RASGRF2: variants seen among roughly 807,000 people sequenced by gnomAD.
The protein encoded by RASGRF2 is ras-specific guanine nucleotide-releasing factor 2.
RASGRF2 carries 76 observed loss-of-function variants against 151.0 expected under a neutral mutation model. That is an observed-to-expected ratio of 0.50 (90% CI 0.42 to 0.61). The LOEUF (loss-of-function observed/expected upper bound fraction) is 0.61, where lower values mean the gene tolerates loss of function less well. RASGRF2 is among the 20% of genes least tolerant of loss of function. The pLI, the probability that RASGRF2 is intolerant of heterozygous loss-of-function variation, is 0.00. For synonymous variants in RASGRF2, 504 were observed against 566.5 expected, an observed-to-expected ratio of 0.89 and a Z score of 1.57; for missense variants, 1,148 against 1,564.6, an observed-to-expected ratio of 0.73 and a Z score of 4.49.
At chr5:81,061,604 C>A (rs1751435468) in intron 2 of RASGRF2, among the ~76,000 whole-genome samples, 1 of 151,402 alleles carries the variant, frequency 6.6e-6, no homozygotes. Flanking sequence ...AAATCCTGGG[C>A]TCAAGTGATC....
Position 81,109,650 on chromosome 5 carries a change from T to G in RASGRF2, c.1838+572T>G, listed in dbSNP as rs530480501. 6.6e-5 allele frequency among the ~76,000 whole-genome samples: 10 copies of G among 152,078 alleles called. No individual in the cohort carries two copies. The East Asian group carries it at 1.9e-3, about 29-fold the overall frequency. The stretch of plus-strand genomic sequence containing the variant: ...CATTGCACTTCAGCCTGGACAACAG[T>G]GCAAGACTCCATTTAAAAAAAAAAT... On this transcript the variant is annotated intron_variant, in intron 13 of 26. Coordinates refer to ENST00000265080, the MANE Select transcript of RASGRF2 (RefSeq NM_006909.3).
intron 1 of RASGRF2, among the ~76,000 whole-genome samples, chr5:80,967,452 TA>T (rs905776688): frequency 9.2e-5 from 14 of 151,766 alleles, no homozygotes; most frequent in South Asian, 4.2e-4. Context: ...AGTGCTTAAT[TA>T]AAAAAAAATT....
intron 2 of RASGRF2, among the ~76,000 whole-genome samples, chr5:81,059,385 A>G (rs1436921907): frequency 2.1e-5 from 3 of 141,988 alleles, no homozygotes; most frequent in East Asian, 2.0e-4. Context: ...CTCCGCCTCA[A>G]AAAAAAAAAA....
chr5:81,172,360 C>T (rs889092356), intron 17 of RASGRF2, among the ~76,000 whole-genome samples: 1 of 151,864 alleles, frequency 6.6e-6, no homozygotes, highest in Non-Finnish European at 1.5e-5. Flanking sequence ...ATTGATTTTA[C>T]CATTCTTCAT....
At chr5:81,092,584 A>C (rs1243034750) in intron 9 of RASGRF2, among the ~76,000 whole-genome samples, 2 of 152,220 alleles carry the variant, frequency 1.3e-5, no homozygotes, top group African/African-American at 2.4e-5. Context: ...TCAAGTCTAA[A>C]GTGTTTCACA....
chr5:80,960,728 G>C lies in RASGRF2; in HGVS notation c.-11G>C. ...ACCGGCGGCCACCCGTGAGCCCTCC[G>C]CACCCGCACCATGCAGAAGAGCGTG... On this transcript the variant is annotated 5_prime_UTR_variant, in exon 1 of 27. Coordinates refer to ENST00000265080, the MANE Select transcript of RASGRF2 (RefSeq NM_006909.3). This position sits in a 1 kb window ranked among gnomAD's most constrained non-coding sequence, Gnocchi z 5.5. 6.5e-7 allele frequency: 1 copy of C among 1,537,238 alleles called. No individual in the cohort carries two copies. The highest frequency in any genetic ancestry group is 8.8e-7 in the Non-Finnish European group (1 of 1,134,478).
intron 2 of RASGRF2, among the ~76,000 whole-genome samples, chr5:81,055,368 G>A (rs996558041): frequency 6.6e-6 from 1 of 152,108 alleles, no homozygotes; most frequent in Non-Finnish European, 1.5e-5. Flanking sequence ...GGCCTCTTCT[G>A]GATCTATTGA....
At chr5:80,975,845 G>A (rs1295215957) in intron 1 of RASGRF2, among the ~76,000 whole-genome samples, 2 of 148,538 alleles carry the variant, frequency 1.3e-5, no homozygotes, top group East Asian at 3.9e-4. Context: ...TTAATTTAAA[G>A]CAATCATCTT....
chr5:81,044,155 T>C (rs1344272144), intron 2 of RASGRF2, among the ~76,000 whole-genome samples: 1 of 152,132 alleles, frequency 6.6e-6, no homozygotes, highest in African/African-American at 2.4e-5. Context: ...CAGTGGCTCA[T>C]GCCTGTAATC....
intron 12 of RASGRF2, among the ~76,000 whole-genome samples, chr5:81,105,408 G>A (rs540937096): frequency 6.6e-6 from 1 of 152,158 alleles, no homozygotes; most frequent in African/African-American, 2.4e-5. Flanking sequence ...TCCAGCGCCC[G>A]TCCCCACCTT....
At chr5:80,988,207 C>CA (rs1748538634) in intron 1 of RASGRF2, among the ~76,000 whole-genome samples, 1 of 152,010 alleles carries the variant, frequency 6.6e-6, no homozygotes, top group Non-Finnish European at 1.5e-5. Flanking sequence ...CATGCCACCA[C>CA]AGCCGGCTGA....
In RASGRF2 at chr5:80,982,427, C is replaced by T. The variant is rs1392582484; in HGVS notation, c.288+21401C>T. On this transcript the variant is annotated intron_variant, in intron 1 of 26. Transcript: ENST00000265080. ...TCTGAAATCACCCTTGATGAAAGAG[C>T]CATGTTTAACCTGTAGGAAGAAGGA... 4.5e-5 allele frequency among the ~76,000 whole-genome samples: 5 copies of T among 112,226 alleles called. No individual in the cohort carries two copies. The East Asian group carries it at 8.8e-4, about 20-fold the overall frequency. The allele number at this position is 112,226 out of a possible 152,430, so 73.6% of individuals were successfully genotyped here. A position where few individuals can be genotyped will look rare whatever the true frequency, so the allele number is the denominator to read the frequency against.
Position 80,987,026 on chromosome 5 carries a change from G to C in RASGRF2, c.288+26000G>C, listed in dbSNP as rs556859720. On this transcript the variant is annotated intron_variant, in intron 1 of 26. Coordinates refer to ENST00000265080, the MANE Select transcript of RASGRF2 (RefSeq NM_006909.3). ...TGCTTAACAGGCTGTGTGCATTGCT[G>C]TTTTCTTTGCTTGAAATGCTCTCCA... Among the ~76,000 whole-genome samples the C allele has an allele frequency of 9.2e-5, 14 of 152,240 alleles. No individual in the cohort carries two copies. In the South Asian group the frequency reaches 2.3e-3, roughly 25 times the overall value.
In RASGRF2 at chr5:81,073,356, T is replaced by A. The variant is rs926583461; in HGVS notation, c.791T>A (p.Ile264Asn). Residue 264 changes from isoleucine to asparagine, a missense_variant, in exon 5 of 27, where the codon ATC becomes AAC. By Grantham distance (149) the Ile-to-Asn change is moderately radical. This residue lies in a region of RASGRF2 where 176 missense variants were observed against 309.6 expected (regional missense o/e 0.57). Transcript: ENST00000265080. ...AESEYVHQLY[I>N]LVNGFLRPLR... ...TCAGAGTACGTTCACCAGCTCTACA[T>A]CCTGGTCAATGGCTTTCTCCGGCCC... 6.8e-6 allele frequency: 11 copies of A among 1,614,130 alleles called. No individual in the cohort carries two copies. The highest frequency in any genetic ancestry group is 9.3e-6 in the Non-Finnish European group (11 of 1,180,002).
In RASGRF2 at chr5:81,109,092, T is replaced by C; in HGVS notation, c.1838+14T>C. On this transcript the variant is annotated intron_variant, in intron 13 of 26. Coordinates refer to ENST00000265080, the MANE Select transcript of RASGRF2 (RefSeq NM_006909.3). The stretch of plus-strand genomic sequence containing the variant: ...ACATATGATTAAGTAAGTGTGAGAA[T>C]CCTTTCCTTTACATTTTAATCAAGA... 6.2e-7 allele frequency: 1 copy of C among 1,601,174 alleles called. No homozygotes were observed. Among genetic ancestry groups the C allele is most frequent in the Admixed American group, 1.7e-5 (1 of 59,370 alleles).
At chr5:81,025,759 G>A (rs1749998526) in intron 1 of RASGRF2, among the ~76,000 whole-genome samples, 1 of 152,106 alleles carries the variant, frequency 6.6e-6, no homozygotes, top group Admixed American at 6.5e-5. Flanking sequence ...GATTCTTAGA[G>A]ACAAAATATG....
At chr5:81,005,373 C>T (rs573529721) in intron 1 of RASGRF2, among the ~76,000 whole-genome samples, 4 of 152,134 alleles carry the variant, frequency 2.6e-5, no homozygotes, top group South Asian at 2.1e-4. Flanking sequence ...CGTCGGATCT[C>T]GTGAGAACGC....
At chr5:81,175,625 G>A (rs1340090857) in intron 17 of RASGRF2, among the ~76,000 whole-genome samples, 8 of 151,876 alleles carry the variant, frequency 5.3e-5, no homozygotes, top group East Asian at 1.9e-4. Context: ...GCATGGTGGC[G>A]CCTGCCTGTA....
intron 5 of RASGRF2, among the ~76,000 whole-genome samples, chr5:81,078,441 A>C (rs1415606832): frequency 6.6e-6 from 1 of 152,086 alleles, no homozygotes; most frequent in African/African-American, 2.4e-5. Context: ...CATTCTATTC[A>C]CTACCTCCAT....
Sources: allele counts gnomAD v4.1 joint callset (sites outside exome capture counted in the v4.1 genomes callset), GRCh38; gene constraint gnomAD v4.1.1; regional missense constraint gnomAD v4.1.1; non-coding constraint Gnocchi (gnomAD v3.1); transcripts MANE v1.5; gene names NCBI Gene and HGNC (gene_info 2026-07-23, HGNC 2026-07-21).